The following FRMD8 variants were observed in gnomAD, a reference collection of about 807,000 sequenced individuals.
FRMD8 encodes FERM domain-containing protein 8.
In FRMD8, 37 loss-of-function variants were observed where a neutral mutation model predicts 54.2. The observed-to-expected ratio is 0.68, with a 90% CI of 0.53 to 0.90. The LOEUF is 0.90. Among genes scored for constraint, FRMD8 ranks in the 40% least tolerant of loss-of-function variants. The probability of loss-of-function intolerance (pLI) is 0.00; values close to 1 mark genes in which losing one functional copy is unlikely to be tolerated. For synonymous variants in FRMD8, 246 were observed against 286.9 expected, an observed-to-expected ratio of 0.86 and a Z score of 1.44; for missense variants, 585 against 653.7, an observed-to-expected ratio of 0.89 and a Z score of 1.15.
chr11:65,382,289 A>G, upstream of FRMD8: 2 of 370,670 alleles, frequency 5.4e-6, no homozygotes, highest in South Asian at 6.1e-5. This position sits in a 1 kb window ranked among gnomAD's most constrained non-coding sequence, Gnocchi z 4.4. Context: ...GGGCTGCCTT[A>G]GTCAGCAAGA....
the FRMD8 span, among the ~76,000 whole-genome samples, chr11:65,373,414 C>A: frequency 6.6e-6 from 1 of 152,178 alleles, no homozygotes; most frequent in South Asian, 2.1e-4. Flanking sequence ...CCCGAAAGGG[C>A]AGCACATTCC....
In FRMD8 at chr11:65,404,282, C is replaced by A. The variant is rs982917045; in HGVS notation, c.1072-582C>A. Among the ~76,000 whole-genome samples the A allele has an allele frequency of 1.3e-5, 2 of 152,198 alleles. No homozygotes were observed. The highest frequency in any genetic ancestry group is 2.4e-5 in the African/African-American group (1 of 41,440). On this transcript the variant is annotated intron_variant, in intron 9 of 10. Coordinates refer to ENST00000317568, the MANE Select transcript of FRMD8 (RefSeq NM_031904.5). This position sits in a 1 kb window ranked among gnomAD's most constrained non-coding sequence, Gnocchi z 4.7. Reference sequence around the variant, plus strand: ...CCTAAGGGGTGCCACCCTTTTAACACCCTCTGCGACTCCCTCAAACCCCTG... The same window carrying A: ...CCTAAGGGGTGCCACCCTTTTAACAACCTCTGCGACTCCCTCAAACCCCTG...
chr11:65,383,772 AACAAACAAAC>A, upstream of FRMD8: 6 of 100,276 alleles, frequency 6.0e-5, no homozygotes, highest in African/African-American at 2.0e-4. Context: ...AAAAAAAACA[AACAAACAAAC>A]AAAAAAAAAA....
At chr11:65,373,885 G>T in the FRMD8 span, among the ~76,000 whole-genome samples, 16 of 152,138 alleles carry the variant, frequency 1.1e-4, no homozygotes, top group Non-Finnish European at 1.9e-4. Context: ...ACTGTGTCTG[G>T]CCAGATGCTG....
At chr11:65,370,509 G>A in the FRMD8 span, among the ~76,000 whole-genome samples, 2 of 151,726 alleles carry the variant, frequency 1.3e-5, no homozygotes, top group South Asian at 4.2e-4. Context: ...AGACTAGCCT[G>A]GCCAAGATGG....
chr11:65,381,560 C>CTTTTTTT, the FRMD8 span: 103 of 84,648 alleles, frequency 1.2e-3, 2 homozygotes, highest in East Asian at 1.8e-3. Context: ...TGCCCTGATT[C>CTTTTTTT]TTTTTTTTTT....
intron 6 of FRMD8, among the ~76,000 whole-genome samples, chr11:65,395,369 G>C (rs748170166): frequency 6.6e-6 from 1 of 151,938 alleles, no homozygotes; most frequent in Non-Finnish European, 1.5e-5. Flanking sequence ...GAGAAACCCC[G>C]TCTCTACTAA....
In FRMD8 at chr11:65,399,728, C is replaced by T; in HGVS notation, c.804-8C>T. ...CTGGCCGGAGGCTGACCCCAGTCCC[C>T]TCCCCAGGTGTGCCTTCTTCCACGG... On this transcript the variant is annotated splice_polypyrimidine_tract_variant and splice_region_variant and intron_variant, in intron 7 of 10. Coordinates refer to ENST00000317568, the MANE Select transcript of FRMD8 (RefSeq NM_031904.5). 1.2e-6 allele frequency: 2 copies of T among 1,613,664 alleles called. No individual in the cohort carries two copies. The highest frequency in any genetic ancestry group is 1.1e-5 in the South Asian group (1 of 90,992).
At chr11:65,398,189 G>A (rs1483460190) in intron 7 of FRMD8, among the ~76,000 whole-genome samples, 3 of 152,136 alleles carry the variant, frequency 2.0e-5, no homozygotes, top group Non-Finnish European at 4.4e-5. Flanking sequence ...TTGTAGAGAC[G>A]GGGTTTTGCC....
intron 3 of FRMD8, among the ~76,000 whole-genome samples, chr11:65,391,004 G>GC (rs941395991): frequency 1.3e-5 from 2 of 152,174 alleles, no homozygotes; most frequent in South Asian, 4.1e-4. Flanking sequence ...TGTGACTTGG[G>GC]CCCCCCCAGA....
chr11:65,381,748 G>A, upstream of FRMD8: 1 of 767,504 alleles, frequency 1.3e-6, no homozygotes, highest in Non-Finnish European at 2.3e-6. Context: ...GTAGAGACAG[G>A]GGCCTCCCTA....
the FRMD8 span, chr11:65,379,527 A>G: frequency 1.7e-5 from 27 of 1,612,718 alleles, no homozygotes; most frequent in Non-Finnish European, 2.1e-5. Context: ...TATGCTGGCA[A>G]TGGGGAAGCT....
rs371580350 is a variant in FRMD8, at chr11:65,391,806, C to T, written c.254-1767C>T. ...GATTACAGACATGAACCATCACGCC[C>T]GGCCACCATTGGAATTTTAGAGCCT... is the stretch of plus-strand genomic sequence containing the variant. On this transcript the variant is annotated intron_variant, in intron 3 of 10. Coordinates refer to ENST00000317568, the MANE Select transcript of FRMD8 (RefSeq NM_031904.5). Among the ~76,000 whole-genome samples, 10 of 152,296 alleles carry T rather than the reference C, an allele frequency of 6.6e-5. No homozygotes were observed. The East Asian group carries it at 7.7e-4, about 12-fold the overall frequency.
Position 65,411,464 on chromosome 11 carries a change from G to A in FRMD8, c.*104G>A. The A allele has an allele frequency of 1.4e-6, 1 of 700,536 alleles. No individual in the cohort carries two copies. Among genetic ancestry groups the A allele is most frequent in the East Asian group, 3.1e-5 (1 of 31,884 alleles). 43.4% of individuals were successfully genotyped at this position (700,536 alleles called of 1,614,324 possible). ...CAACAGTCTCATGGGTCACCACGTG[G>A]GGAGGGCTGCCTCAGCAGGTTTCTC... is the stretch of plus-strand genomic sequence containing the variant. On this transcript the variant is annotated 3_prime_UTR_variant, in exon 11 of 11. Coordinates refer to ENST00000317568, the MANE Select transcript of FRMD8 (RefSeq NM_031904.5).
chr11:65,393,714 C>A, intron 4 of FRMD8, 40 bp downstream of exon 4: 1 of 1,516,560 alleles, frequency 6.6e-7, no homozygotes, highest in Non-Finnish European at 9.0e-7. Context: ...TCGGGACCAC[C>A]TGAGTCTGCA....
upstream of FRMD8, among the ~76,000 whole-genome samples, chr11:65,384,456 G>A (rs1016016511): frequency 1.3e-5 from 2 of 152,034 alleles, no homozygotes; most frequent in African/African-American, 2.4e-5. Flanking sequence ...ACTCCCAGGT[G>A]TCAGTCTTTG....
rs1855973028 is a variant in FRMD8 at position 65,396,988 on chromosome 11, TCTC to T, written c.775_777del (p.Leu259del). The T allele has an allele frequency of 2.0e-6, 3 of 1,479,010 alleles. No individual in the cohort carries two copies. The highest frequency in any genetic ancestry group is 1.3e-5 in the South Asian group (1 of 74,878). The allele number at this position is 1,479,010 out of a possible 1,614,324, so 91.6% of individuals were successfully genotyped here. On this transcript the variant is annotated inframe_deletion, in exon 7 of 11. Coordinates refer to ENST00000317568, the MANE Select transcript of FRMD8 (RefSeq NM_031904.5). Reference sequence around the variant, plus strand: ...CCCTGGGCACCCACTACCGCGCCTATCTCCTCAAGTGCCACGAGCTGCCGTTTT... The same window carrying T: ...CCCTGGGCACCCACTACCGCGCCTATCTCAAGTGCCACGAGCTGCCGTTTT...
At chr11:65,401,608 C>G (rs1328915501) in intron 9 of FRMD8, among the ~76,000 whole-genome samples, 1 of 150,808 alleles carries the variant, frequency 6.6e-6, no homozygotes, top group Non-Finnish European at 1.5e-5. Context: ...CTTCTAGCCC[C>G]ATCGGCCTCT....
At chr11:65,371,096 G>A in the FRMD8 span, among the ~76,000 whole-genome samples, 41 of 152,144 alleles carry the variant, frequency 2.7e-4, no homozygotes, top group African/African-American at 9.7e-4. Context: ...AGCAGTGTGG[G>A]CCTGGCACTC....
Sources: allele counts gnomAD v4.1 joint callset (sites outside exome capture counted in the v4.1 genomes callset), GRCh38; gene constraint gnomAD v4.1.1; non-coding constraint Gnocchi (gnomAD v3.1); transcripts MANE v1.5; gene names NCBI Gene and HGNC (gene_info 2026-07-23, HGNC 2026-07-21).